PUM1: variants seen among roughly 807,000 people sequenced by gnomAD.
PUM1 encodes the protein pumilio homolog 1.
In PUM1, 13 loss-of-function variants were observed where a neutral mutation model predicts 131.8. The observed-to-expected ratio is 0.10, with a 90% CI of 0.06 to 0.16. The LOEUF (loss-of-function observed/expected upper bound fraction) is 0.16. Ranked by LOEUF, PUM1 falls within the 10% of genes least tolerant of loss-of-function variation. The pLI is 1.00. For synonymous variants in PUM1, 509 were observed against 556.5 expected, an observed-to-expected ratio of 0.91 and a Z score of 1.20; for missense variants, 961 against 1,512.4, an observed-to-expected ratio of 0.64 and a Z score of 6.05.
intron 3 of PUM1, among the ~76,000 whole-genome samples, chr1:31,021,498 T>C (rs549128978): frequency 1.3e-5 from 2 of 152,354 alleles, no homozygotes; most frequent in African/African-American, 4.8e-5. Flanking sequence ...AGCTATTGTT[T>C]ACAAAGCACA....
At chr1:31,018,084 C>T (rs1488657510) in intron 3 of PUM1, among the ~76,000 whole-genome samples, 1 of 152,184 alleles carries the variant, frequency 6.6e-6, no homozygotes, top group Admixed American at 6.5e-5. Context: ...GGCGCGGTGG[C>T]TCATGCCTGA....
At chr1:31,028,938 G>T in intron 2 of PUM1, 74 bp from the exon 3 acceptor site, 1 of 1,170,190 alleles carries the variant, frequency 8.5e-7, no homozygotes, top group Non-Finnish European at 1.3e-6. Context: ...ACACACAATT[G>T]AAAATTTATT....
Position 30,968,034 on chromosome 1 carries a change from C to G in PUM1, c.1645+320G>C, listed in dbSNP as rs557050721. ...CTGTTCAAAAACATCAACATAAAGACTAAGCCTTGTAAACTAGCTTGGCCA... is the reference window on the plus strand; with the variant it reads ...CTGTTCAAAAACATCAACATAAAGAGTAAGCCTTGTAAACTAGCTTGGCCA... On this transcript the variant is annotated intron_variant, in intron 11 of 21. Transcript: ENST00000426105. 3.4e-5 allele frequency: 13 copies of G among 381,418 alleles called. No homozygotes were observed. In the East Asian group the frequency reaches 8.2e-4, roughly 24 times the overall value. The allele number at this position is 381,418 out of a possible 1,614,324, so 23.6% of individuals were successfully genotyped here.
At position 30,941,183 on chromosome 1, in the gene PUM1, A is replaced by T; in HGVS notation, c.3210T>A (p.Asn1070Lys). The T allele has an allele frequency of 6.2e-7, 1 of 1,613,810 alleles. No individual in the cohort carries two copies. The highest frequency in any genetic ancestry group is 8.5e-7 in the Non-Finnish European group (1 of 1,179,818). ...KSKIVAEIRG[N>K]VLVLSQHKFA... ...ATTTGTGCTGACTCAATACAAGTAC[A>T]TTGCCTCGGATTTCTGCTACAATTT... Residue 1070 changes from asparagine to lysine, a missense_variant, in exon 20 of 22, where the codon AAT becomes AAA. Coordinates refer to ENST00000426105, the MANE Select transcript of PUM1 (RefSeq NM_001020658.2).
chr1:30,933,449 C>T (rs1317769225), intron 21 of PUM1, 107 bp from the exon 22 acceptor site: 20 of 668,134 alleles, frequency 3.0e-5, no homozygotes, highest in African/African-American at 3.9e-5. Context: ...TACACACACA[C>T]ACACACACAC....
chr1:30,957,540 G>A (rs1012297595), intron 14 of PUM1, among the ~76,000 whole-genome samples: 1 of 152,216 alleles, frequency 6.6e-6, no homozygotes, highest in Non-Finnish European at 1.5e-5. Context: ...CAAAGGGACA[G>A]TGGTGGATTT....
At chr1:30,994,933 T>C (rs1641929026) in intron 6 of PUM1, 121 bp downstream of exon 6, 5 of 1,094,698 alleles carry the variant, frequency 4.6e-6, no homozygotes, top group South Asian at 3.2e-5. Flanking sequence ...CTACACTAGA[T>C]TGGATTCTTA....
intron 9 of PUM1, among the ~76,000 whole-genome samples, chr1:30,977,505 T>G (rs1483606133): frequency 1.3e-5 from 2 of 152,238 alleles, no homozygotes; most frequent in Non-Finnish European, 2.9e-5. Context: ...TACTATACGC[T>G]GGTCACATGG....
intron 4 of PUM1, 132 bp downstream of exon 4, chr1:31,006,862 A>C: frequency 1.5e-6 from 1 of 646,810 alleles, no homozygotes; most frequent in East Asian, 2.7e-5. Context: ...CCTTAATGGC[A>C]ATTATACTAC....
chr1:30,980,071 C>G lies in PUM1; in HGVS notation c.1345G>C (p.Ala449Pro). 6.2e-7 allele frequency: 1 copy of G among 1,604,264 alleles called. No homozygotes were observed. The highest frequency in any genetic ancestry group is 1.1e-5 in the South Asian group (1 of 89,896). ...DPYTAGLAAAATLGPAVVPHQ... is the reference protein window; with the variant it reads ...DPYTAGLAAAPTLGPAVVPHQ... ...CAGCAGAATGTCTCACCTAGTGTCG[C>G]TGCTGCAGCCAATCCAGCTGTGTAG... is the stretch of plus-strand genomic sequence containing the variant. The change falls in exon 9 of 22, where the codon GCG becomes CCG. Residue 449 changes from alanine to proline, a missense_variant. Ala to Pro is a conservative substitution (Grantham distance 27). This residue lies in a region of PUM1 where 654 missense variants were observed against 923.9 expected (regional missense o/e 0.71). Transcript: ENST00000426105.
chr1:31,004,323 T>A (rs1403202524), intron 5 of PUM1, among the ~76,000 whole-genome samples: 2 of 152,180 alleles, frequency 1.3e-5, no homozygotes, highest in African/African-American at 4.8e-5. Context: ...TGCCCAAGAA[T>A]TAGAAACTGA....
At chr1:31,035,254 A>C (rs1056326526) in intron 2 of PUM1, among the ~76,000 whole-genome samples, 1 of 152,108 alleles carries the variant, frequency 6.6e-6, no homozygotes, top group Non-Finnish European at 1.5e-5. Flanking sequence ...TCAGCCAGGC[A>C]TGATGGCACA....
rs746865916 is a variant in PUM1 at position 31,028,789 on chromosome 1, C to A, written c.432+7G>T. 6.2e-6 allele frequency: 10 copies of A among 1,611,604 alleles called. No homozygotes were observed. Among genetic ancestry groups the A allele is most frequent in the South Asian group, 2.2e-5 (2 of 91,028 alleles). On this transcript the variant is annotated splice_region_variant and intron_variant, in intron 3 of 21. Transcript: ENST00000426105. ...GACCCACTTTTCTGACACACCAGTT[C>A]ACTTACCTCTCCCATCGCTCTTCCC... is the stretch of plus-strand genomic sequence containing the variant.
intron 3 of PUM1, among the ~76,000 whole-genome samples, chr1:31,012,773 A>G (rs965541167): frequency 3.3e-5 from 5 of 152,174 alleles, no homozygotes; most frequent in African/African-American, 1.2e-4. Context: ...CCCCTACACC[A>G]AGAACCCTTA....
chr1:30,960,423 AAAAAG>A (rs1208112384), intron 14 of PUM1, among the ~76,000 whole-genome samples: 1 of 152,216 alleles, frequency 6.6e-6, no homozygotes, highest in African/African-American at 2.4e-5. Context: ...ATCAGACAAG[AAAAAG>A]AAAAGTCATC....
chr1:31,063,982 T>A (rs1235600694), intron 1 of PUM1, among the ~76,000 whole-genome samples: 1 of 152,212 alleles, frequency 6.6e-6, no homozygotes, highest in Non-Finnish European at 1.5e-5. Flanking sequence ...CACTAATACG[T>A]GTAGCATTTA....
intron 2 of PUM1, among the ~76,000 whole-genome samples, chr1:31,055,009 T>C (rs1322856217): frequency 6.6e-6 from 1 of 152,194 alleles, no homozygotes; most frequent in Non-Finnish European, 1.5e-5. Flanking sequence ...ATCTCCTTCA[T>C]AGGATTGCTG....
At chr1:30,952,474 GT>G in intron 15 of PUM1, 111 bp from the exon 16 acceptor site, 1 of 1,527,128 alleles carries the variant, frequency 6.5e-7, no homozygotes, top group Non-Finnish European at 8.9e-7. Context: ...GAGTGAGCAT[GT>G]GTGCACACAC....
At chr1:30,983,225 G>A (rs1052457880) in intron 7 of PUM1, among the ~76,000 whole-genome samples, 1 of 152,244 alleles carries the variant, frequency 6.6e-6, no homozygotes, top group Admixed American at 6.5e-5. Flanking sequence ...GCAGCCAGGA[G>A]TGGGAAATAA....
Sources: allele counts gnomAD v4.1 joint callset (sites outside exome capture counted in the v4.1 genomes callset), GRCh38; gene constraint gnomAD v4.1.1; regional missense constraint gnomAD v4.1.1; transcripts MANE v1.5; gene names NCBI Gene and HGNC (gene_info 2026-07-23, HGNC 2026-07-21).